Variants in ZNF91 observed in about 807,000 individuals in gnomAD.
The protein encoded by ZNF91 is zinc finger protein 91, also known as zinc finger protein 91 (HPF7, HTF10).
A neutral mutation model predicts 12.6 loss-of-function variants in ZNF91; 7 were observed. The observed-to-expected ratio is 0.55, with a 90% CI of 0.31 to 1.04. The LOEUF (loss-of-function observed/expected upper bound fraction) is 1.04. ZNF91 is among the 50% of genes least tolerant of loss of function. The pLI is 0.05. For synonymous variants in ZNF91, 453 were observed against 462.6 expected (o/e 0.98, Z 0.27); for missense variants, 1,217 against 1,385.4 (o/e 0.88, Z 1.93).
At chr19:23,366,263 T>A (rs1327059939) in intron 3 of ZNF91, among the ~76,000 whole-genome samples, 3 of 151,934 alleles carry the variant, frequency 2.0e-5, no homozygotes, top group East Asian at 3.9e-4. Flanking sequence ...CATACCTCCC[T>A]CCCAGACGGG....
intron 1 of ZNF91, among the ~76,000 whole-genome samples, chr19:23,390,706 G>A (rs538607354): frequency 3.0e-4 from 46 of 152,110 alleles, no homozygotes; most frequent in Middle Eastern, 3.4e-3. Context: ...GACCACAGGC[G>A]TGTGCCACCA....
downstream of ZNF91, among the ~76,000 whole-genome samples, chr19:23,334,764 G>T (rs961402144): frequency 6.6e-6 from 1 of 152,116 alleles, no homozygotes; most frequent in South Asian, 2.1e-4. Context: ...TTGAACAAAT[G>T]ATTATTATAA....
At chr19:23,343,052 A>G (rs972241454) in intron 3 of ZNF91, among the ~76,000 whole-genome samples, 4 of 152,264 alleles carry the variant, frequency 2.6e-5, no homozygotes, top group Non-Finnish European at 4.4e-5. Context: ...TTCTGAGGAA[A>G]GAAAATGAAA....
upstream of ZNF91, among the ~76,000 whole-genome samples, chr19:23,313,933 G>T (rs2145846655): frequency 6.6e-6 from 1 of 152,244 alleles, no homozygotes; most frequent in Admixed American, 6.5e-5. Context: ...CCAGAACAGG[G>T]ACACGTGTAG....
intron 3 of ZNF91, among the ~76,000 whole-genome samples, chr19:23,371,037 C>A (rs982213278): frequency 6.6e-6 from 1 of 151,772 alleles, no homozygotes; most frequent in African/African-American, 2.4e-5. Context: ...AAGACAAAAC[C>A]AACATTGAAA....
intron 1 of ZNF91, among the ~76,000 whole-genome samples, chr19:23,317,085 G>A (rs998284004): frequency 1.1e-4 from 17 of 150,530 alleles, no homozygotes; most frequent in Non-Finnish European, 2.1e-4. Flanking sequence ...TCGCTCTGTC[G>A]CCCAGGCTGG....
chr19:23,381,176 T>G (rs1969700886), intron 1 of ZNF91, among the ~76,000 whole-genome samples: 1 of 152,182 alleles, frequency 6.6e-6, no homozygotes, highest in African/African-American at 2.4e-5. Flanking sequence ...CTACTCATAA[T>G]GTATGTAGGA....
At chr19:23,368,775 C>T (rs905626716) in intron 3 of ZNF91, among the ~76,000 whole-genome samples, 8 of 150,948 alleles carry the variant, frequency 5.3e-5, no homozygotes, top group Non-Finnish European at 1.0e-4. Context: ...TGTGAATATC[C>T]AAAAAATATA....
chr19:23,330,279 C>T (rs1407224670), intron 1 of ZNF91, among the ~76,000 whole-genome samples: 2 of 151,234 alleles, frequency 1.3e-5, no homozygotes, highest in Non-Finnish European at 2.9e-5. Context: ...TGCAGTGAGC[C>T]GAGATTGTGC....
intron 3 of ZNF91, among the ~76,000 whole-genome samples, chr19:23,363,711 A>G (rs1206266753): frequency 3.3e-5 from 5 of 152,228 alleles, no homozygotes; most frequent in Non-Finnish European, 4.4e-5. Context: ...AGAAACCATA[A>G]AAGAGATGTA....
intron 1 of ZNF91, among the ~76,000 whole-genome samples, chr19:23,322,604 T>C (rs965339737): frequency 2.6e-5 from 4 of 152,168 alleles, no homozygotes; most frequent in South Asian, 2.1e-4. Flanking sequence ...CCAAAAGCCA[T>C]GAAAAGAGTC....
rs905416982 is a variant in ZNF91, at chr19:23,307,323, T to C, written n.270A>G. ...GTGACTCTGCTCTCTTACCCGAGCA[T>C]TGCCCAAAAAAGAGATTGGGGCCTA... On this transcript the variant is annotated non_coding_transcript_exon_variant, in exon 3 of 4. Coordinates refer to the ZNF91 transcript ENST00000593292. The C allele has an allele frequency of 2.6e-5, 4 of 152,072 alleles. 1 individual carries two copies. Among genetic ancestry groups the C allele is most frequent in the African/African-American group, 9.7e-5 (4 of 41,396 alleles). 9.4% of individuals were successfully genotyped at this position (152,072 alleles called of 1,614,324 possible).
At chr19:23,382,158 A>T (rs1487863588) in intron 1 of ZNF91, among the ~76,000 whole-genome samples, 1 of 152,124 alleles carries the variant, frequency 6.6e-6, no homozygotes, top group African/African-American at 2.4e-5. Flanking sequence ...ATGTTATAAG[A>T]AAAGAGATTT....
intron 1 of ZNF91, among the ~76,000 whole-genome samples, chr19:23,384,025 G>A (rs543030061): frequency 1.3e-5 from 2 of 152,224 alleles, no homozygotes; most frequent in East Asian, 1.9e-4. Context: ...CAGGATAATC[G>A]CTTGAACCTA....
At chr19:23,349,986 A>G (rs1362447230) in intron 3 of ZNF91, among the ~76,000 whole-genome samples, 1 of 152,162 alleles carries the variant, frequency 6.6e-6, no homozygotes, top group South Asian at 2.1e-4. Flanking sequence ...ACTCCCATAT[A>G]TACTCTAAAT....
downstream of ZNF91, among the ~76,000 whole-genome samples, chr19:23,355,364 C>G (rs924234619): frequency 4.6e-5 from 7 of 152,128 alleles, no homozygotes; most frequent in Admixed American, 3.9e-4. Context: ...GAAGTATACC[C>G]TTTCAACAAA....
chr19:23,315,133 T>C (rs1967533138), upstream of ZNF91, among the ~76,000 whole-genome samples: 1 of 152,196 alleles, frequency 6.6e-6, no homozygotes, highest in African/African-American at 2.4e-5. Flanking sequence ...AAGCAGGTGG[T>C]GTAACTCTCT....
chr19:23,385,114 T>C (rs1969833064), intron 1 of ZNF91: 6 of 787,060 alleles, frequency 7.6e-6, no homozygotes, highest in Non-Finnish European at 1.3e-5. Flanking sequence ...GTCCGAACAG[T>C]ACCCCGAATG....
intron 1 of ZNF91, among the ~76,000 whole-genome samples, chr19:23,387,824 T>C (rs1969924631): frequency 6.7e-6 from 1 of 150,016 alleles, no homozygotes; most frequent in African/African-American, 2.5e-5. Context: ...GCATCTGTAC[T>C]CCCAGCTACT....
Sources: gnomAD v4.1 joint callset for allele counts (sites outside exome capture counted in the v4.1 genomes callset) on GRCh38, gnomAD v4.1.1 for gene constraint, MANE v1.5 for transcripts, NCBI Gene and HGNC (gene_info 2026-07-23, HGNC 2026-07-21) for gene names.